SPAG4: variants seen among roughly 807,000 people sequenced by gnomAD.
SPAG4 encodes the protein sperm associated antigen 4, also known as sperm-associated antigen 4 protein.
Under a neutral mutation model 53.9 loss-of-function variants are expected in SPAG4, and 54 were observed. The ratio of observed to expected loss-of-function variants is 1.00; its 90% CI spans 0.80 to 1.26. The LOEUF (loss-of-function observed/expected upper bound fraction) is 1.26. Among genes scored for constraint, SPAG4 ranks in the 50% most tolerant of loss-of-function variants. SPAG4 has a pLI of 0.00. For synonymous variants in SPAG4, 246 were observed against 237.4 expected, an observed-to-expected ratio of 1.04 and a Z score of -0.33; for missense variants, 548 against 568.6, an observed-to-expected ratio of 0.96 and a Z score of 0.37.
chr20:35,617,795 C>A lies in SPAG4; in HGVS notation c.493C>A (p.Arg165Ser). The A allele has an allele frequency of 3.7e-6, 6 of 1,613,990 alleles. No homozygotes were observed. Among genetic ancestry groups the A allele is most frequent in the Non-Finnish European group, 5.1e-6 (6 of 1,179,940 alleles). The change falls in exon 4 of 12, where the codon CGC becomes AGC. Residue 165 changes from arginine (R) to serine (S), a missense_variant. Arg to Ser is a moderately radical substitution (Grantham distance 110). Coordinates refer to ENST00000374273, the MANE Select transcript of SPAG4 (RefSeq NM_003116.3). ...VSMYREVCSI[R>S]FLFTAVSLLS... The stretch of plus-strand genomic sequence containing the variant: ...GTTCCCCAGGGAGGTCTGTTCCATC[C>A]GCTTCCTGTTCACGGCTGTGTCGCT...
Position 35,617,337 on chromosome 20 carries a change from G to A in SPAG4, c.409+97G>A, listed in dbSNP as rs1203090299. The A allele has an allele frequency of 9.2e-6, 9 of 982,240 alleles. No homozygotes were observed. The African/African-American group carries it at 1.3e-4, about 14-fold the overall frequency. 60.8% of individuals were successfully genotyped at this position (982,240 alleles called of 1,614,324 possible). On this transcript the variant is annotated intron_variant, in intron 2 of 11. Transcript: ENST00000374273. Reference sequence around the variant, plus strand: ...CCCCCGGCCCCCGTTTGAGTATCGAGCCCCTCTCCGAGCCTCAACTCATTC... The same window carrying A: ...CCCCCGGCCCCCGTTTGAGTATCGAACCCCTCTCCGAGCCTCAACTCATTC...
rs199628607 is a variant in SPAG4 at position 35,619,146 on chromosome 20, C to T, written c.794-49C>T. 5.9e-6 allele frequency: 7 copies of T among 1,185,040 alleles called. No homozygotes were observed. In the Admixed American group the frequency reaches 1.5e-4, roughly 26 times the overall value. 73.4% of individuals were successfully genotyped at this position (1,185,040 alleles called of 1,614,324 possible). ...CAGCCCCCGCGCCCCCGCGCCCCGACTCCCGGCAAGGCCTGGGAGCCTCTG... is the reference window on the plus strand; with the variant it reads ...CAGCCCCCGCGCCCCCGCGCCCCGATTCCCGGCAAGGCCTGGGAGCCTCTG... On this transcript the variant is annotated intron_variant, in intron 8 of 11. Coordinates refer to ENST00000374273, the MANE Select transcript of SPAG4 (RefSeq NM_003116.3).
intron 1 of SPAG4, among the ~76,000 whole-genome samples, chr20:35,616,620 G>T (rs1329015306): frequency 6.6e-6 from 1 of 150,718 alleles, no homozygotes; most frequent in East Asian, 1.9e-4. Flanking sequence ...TCCGTTTGGG[G>T]GAGGGACCAA....
At position 35,617,784 on chromosome 20, in the gene SPAG4, T is replaced by A. The variant is rs769238731; in HGVS notation, c.482T>A (p.Val161Asp). Residue 161 changes from valine to aspartate, a missense_variant, in exon 4 of 12, where the codon GTC becomes GAC. By Grantham distance (152) the Val-to-Asp change is radical. Coordinates refer to ENST00000374273, the MANE Select transcript of SPAG4 (RefSeq NM_003116.3). ...GCCTCCCTCCGGTTCCCCAGGGAGG[T>A]CTGTTCCATCCGCTTCCTGTTCACG... is the stretch of plus-strand genomic sequence containing the variant. Reference protein sequence around the residue: ...GDVLVSMYREVCSIRFLFTAV... With the variant: ...GDVLVSMYREDCSIRFLFTAV... 4 of 1,612,800 alleles carry A rather than the reference T, an allele frequency of 2.5e-6. No homozygotes were observed. In the South Asian group the frequency reaches 4.4e-5, roughly 18 times the overall value.
rs551261318 is a variant in SPAG4, at chr20:35,619,566, C to G, written c.910-13C>G. 23 of 1,609,130 alleles carry G rather than the reference C, an allele frequency of 1.4e-5. No homozygotes were observed. The South Asian group carries it at 2.5e-4, about 18-fold the overall frequency. On this transcript the variant is annotated splice_polypyrimidine_tract_variant and intron_variant, in intron 9 of 11. Transcript: ENST00000374273. Reference sequence around the variant, plus strand: ...TGTCCGACGGTTCCGATGGTCCCTCCGCCCGCCTGCAGCCCCACGTGTTCC... The same window carrying G: ...TGTCCGACGGTTCCGATGGTCCCTCGGCCCGCCTGCAGCCCCACGTGTTCC...
chr20:35,616,000 C>T lies in SPAG4; in HGVS notation c.-4C>T. The T allele has an allele frequency of 1.2e-6, 2 of 1,610,440 alleles. No individual in the cohort carries two copies. The highest frequency in any genetic ancestry group is 1.7e-6 in the Non-Finnish European group (2 of 1,179,404). ...CGTCAGTGACTAGGCAGCAGGGGGT[C>T]AGGATGCGGCGAAGCTCCCGCCCGG... On this transcript the variant is annotated 5_prime_UTR_variant, in exon 1 of 12. Coordinates refer to ENST00000374273, the MANE Select transcript of SPAG4 (RefSeq NM_003116.3).
rs1207274578 is a variant in SPAG4 at position 35,615,952 on chromosome 20, G to A, written c.-52G>A. Reference sequence around the variant, plus strand: ...CGGCTGAAGGAGGCCCCAGGGCCTTGGCGACCGCAGCGGCGGCTTTAGCGT... The same window carrying A: ...CGGCTGAAGGAGGCCCCAGGGCCTTAGCGACCGCAGCGGCGGCTTTAGCGT... On this transcript the variant is annotated 5_prime_UTR_variant, in exon 1 of 12. Coordinates refer to ENST00000374273, the MANE Select transcript of SPAG4 (RefSeq NM_003116.3). The A allele has an allele frequency of 1.9e-6, 3 of 1,586,018 alleles. No homozygotes were observed. The highest frequency in any genetic ancestry group is 2.6e-6 in the Non-Finnish European group (3 of 1,166,068).
At position 35,620,854 on chromosome 20, in the gene SPAG4, C is replaced by T. The variant is rs200184836; in HGVS notation, c.1168-22C>T. The stretch of plus-strand genomic sequence containing the variant: ...GATCCAGGAGGAGGGCAGCCCTTGG[C>T]ATGATCCATTTGTCTCCCCAGAATG... On this transcript the variant is annotated intron_variant, in intron 11 of 11. Transcript: ENST00000374273. The T allele has an allele frequency of 2.6e-4, 417 of 1,613,504 alleles. 2 individuals are homozygous for T. In the African/African-American group the frequency reaches 5.2e-3, roughly 20 times the overall value.
At chr20:35,619,966 C>A (rs1438802608) in intron 10 of SPAG4, among the ~76,000 whole-genome samples, 2 of 152,086 alleles carry the variant, frequency 1.3e-5, no homozygotes, top group Non-Finnish European at 2.9e-5. Flanking sequence ...TACAGGCATT[C>A]TTATTTTGCT....
Position 35,618,966 on chromosome 20 carries a change from T to C in SPAG4, c.761T>C (p.Val254Ala). The C allele has an allele frequency of 6.2e-7, 1 of 1,614,192 alleles. No individual in the cohort carries two copies. The highest frequency in any genetic ancestry group is 8.5e-7 in the Non-Finnish European group (1 of 1,180,012). ...TTCCAGAGGCTGAATGAGGATTTTGTGCGGAAGCCCGACTATGCTTTGAGC... is the reference window on the plus strand; with the variant it reads ...TTCCAGAGGCTGAATGAGGATTTTGCGCGGAAGCCCGACTATGCTTTGAGC... ...LVFQRLNEDFVRKPDYALSSV... is the reference protein window; with the variant it reads ...LVFQRLNEDFARKPDYALSSV... The change falls in exon 8 of 12, where the codon GTG becomes GCG. Residue 254 changes from valine (V) to alanine (A), a missense_variant. Physicochemically the swap from Val to Ala is moderately conservative, Grantham distance 64 (BLOSUM62 0). Coordinates refer to ENST00000374273, the MANE Select transcript of SPAG4 (RefSeq NM_003116.3).
rs1407463008 is a variant in SPAG4, at chr20:35,619,833, G to T, written c.1077+87G>T. The T allele has an allele frequency of 3.7e-6, 5 of 1,356,922 alleles. No individual in the cohort carries two copies. In the East Asian group the frequency reaches 9.5e-5, roughly 26 times the overall value. The allele number at this position is 1,356,922 out of a possible 1,614,324, so 84.1% of individuals were successfully genotyped here. On this transcript the variant is annotated intron_variant, in intron 10 of 11. Coordinates refer to ENST00000374273, the MANE Select transcript of SPAG4 (RefSeq NM_003116.3). Reference sequence around the variant, plus strand: ...AACTGGTGCCGTTATCTGAGTCTTCGCTTGCTCATCTATAAAATGAAGATA... The same window carrying T: ...AACTGGTGCCGTTATCTGAGTCTTCTCTTGCTCATCTATAAAATGAAGATA...
chr20:35,618,849 C>T, intron 7 of SPAG4, 74 bp from the exon 8 acceptor site: 1 of 1,492,130 alleles, frequency 6.7e-7, no homozygotes, highest in Non-Finnish European at 9.3e-7. Flanking sequence ...GCAACCAGCT[C>T]CCAGAGGTCC....
rs557515476 is a variant in SPAG4 at position 35,619,726 on chromosome 20, C to G, written c.1057C>G (p.Pro353Ala). Residue 353 changes from proline to alanine, a missense_variant, in exon 10 of 12, where the codon CCC becomes GCC. Transcript: ENST00000374273. ...GCACACCGGAGGAGCCAACAGCGCC[C>G]CCCGCGATTTCGCGGTCTTTGTGAG... ...VEHTGGANSA[P>A]RDFAVFGLQV... is the part of the protein sequence containing the mutation. 1 of 1,610,566 alleles carries G rather than the reference C, an allele frequency of 6.2e-7. No homozygotes were observed. Among genetic ancestry groups the G allele is most frequent in the Admixed American group, 1.7e-5 (1 of 59,952 alleles).
At position 35,619,225 on chromosome 20, in the gene SPAG4, A is replaced by G; in HGVS notation, c.824A>G (p.His275Arg). The G allele has an allele frequency of 6.2e-7, 1 of 1,612,346 alleles. No individual in the cohort carries two copies. The highest frequency in any genetic ancestry group is 8.5e-7 in the Non-Finnish European group (1 of 1,179,764). Residue 275 changes from histidine (H) to arginine (R), a missense_variant, in exon 9 of 12, where the codon CAC becomes CGC. Transcript: ENST00000374273. ...GASIDLQKTSHDYADRNTAYF... is the reference protein window; with the variant it reads ...GASIDLQKTSRDYADRNTAYF... The stretch of plus-strand genomic sequence containing the variant: ...TCCATCGACCTGCAGAAGACATCCC[A>G]CGATTACGCAGACAGGAACACTGCC...
chr20:35,617,961 T>G, intron 4 of SPAG4, 121 bp downstream of exon 4: 5 of 1,343,818 alleles, frequency 3.7e-6, no homozygotes, highest in Non-Finnish European at 4.2e-6. Flanking sequence ...ACCCCCTAAT[T>G]CCCCCTCAGA....
chr20:35,616,852 A>G (rs1409560472), intron 1 of SPAG4: 6 of 430,072 alleles, frequency 1.4e-5, no homozygotes, highest in Non-Finnish European at 2.5e-5. Context: ...CTGGCCTCGA[A>G]CTCCCGACCT....
Position 35,616,072 on chromosome 20 carries a change from GA to G in SPAG4, c.71del (p.Asn24ThrfsTer4). The G allele has an allele frequency of 3.1e-6, 5 of 1,609,074 alleles. No homozygotes were observed. The highest frequency in any genetic ancestry group is 4.2e-6 in the Non-Finnish European group (5 of 1,177,932). On this transcript the variant is annotated frameshift_variant, in exon 1 of 12. Transcript: ENST00000374273. LOFTEE classifies it high-confidence loss of function. ...AGCACACGCCCAACTTTTTCAGCGA[GA>G]ACAGCTCAATGAGCATCACCTCGGA... ...RKHTPNFFSE[N>X]SSMSITSEDS...
In SPAG4 at chr20:35,619,029, C is replaced by G. The variant is rs137866003; in HGVS notation, c.793+31C>G. The G allele has an allele frequency of 5.7e-4, 915 of 1,591,740 alleles. 6 individuals are homozygous for G. In the African/African-American group the frequency reaches 0.011, roughly 19 times the overall value. ...ACCCGGAGACACTGGAAGACAGAGA[C>G]GCAGACAGGAAAGAGGCCAAGACAC... is the stretch of plus-strand genomic sequence containing the variant. On this transcript the variant is annotated intron_variant, in intron 8 of 11. Coordinates refer to ENST00000374273, the MANE Select transcript of SPAG4 (RefSeq NM_003116.3).
chr20:35,617,212 T>C lies in SPAG4; in HGVS notation c.381T>C (p.Pro127=). The C allele has an allele frequency of 6.2e-7, 1 of 1,600,682 alleles. No homozygotes were observed. Among genetic ancestry groups the C allele is most frequent in the Non-Finnish European group, 8.5e-7 (1 of 1,173,984 alleles). ...LPTLDLRQEM[P]PPRVFKSFLS... Reference sequence around the variant, plus strand: ...CCCTGGATCTGAGGCAGGAGATGCCTCCCCCGCGGGTGTTCAAGAGCTTTC... The same window carrying C: ...CCCTGGATCTGAGGCAGGAGATGCCCCCCCCGCGGGTGTTCAAGAGCTTTC... Residue 127 remains proline (P), a synonymous_variant, in exon 2 of 12, where the codon CCT becomes CCC. Coordinates refer to ENST00000374273, the MANE Select transcript of SPAG4 (RefSeq NM_003116.3).
Sources: gnomAD v4.1 joint callset for allele counts (sites outside exome capture counted in the v4.1 genomes callset) on GRCh38, gnomAD v4.1.1 for gene constraint, MANE v1.5 for transcripts, NCBI Gene and HGNC (gene_info 2026-07-23, HGNC 2026-07-21) for gene names.